The following VWF variants were observed in gnomAD, a reference collection of about 807,000 sequenced individuals.
VWF encodes Factor VIII related antigen.
A neutral mutation model predicts 308.6 loss-of-function variants in VWF; 176 were observed. The ratio of observed to expected loss-of-function variants is 0.57; its 90% CI spans 0.50 to 0.65. The LOEUF is 0.65. VWF is among the 30% of genes least tolerant of loss of function. The probability of loss-of-function intolerance (pLI) is 0.00; values close to 1 mark genes in which losing one functional copy is unlikely to be tolerated. For synonymous variants in VWF, 1,385 were observed against 1,443.4 expected (o/e 0.96, Z 0.92); for missense variants, 3,146 against 3,648.2 (o/e 0.86, Z 3.55).
intron 41 of VWF, 23 bp downstream of exon 41, chr12:5,983,127 C>T: frequency 1.2e-6 from 2 of 1,609,540 alleles, no homozygotes; most frequent in Non-Finnish European, 8.5e-7. Flanking sequence ...CACACCACCC[C>T]TCCTCATCCA....
Position 6,016,227 on chromosome 12 carries a change from C to T in VWF, c.5317G>A (p.Ala1773Thr). The T allele has an allele frequency of 7.4e-6, 12 of 1,614,202 alleles. No homozygotes were observed. Among genetic ancestry groups the T allele is most frequent in the Non-Finnish European group, 1.0e-5 (12 of 1,180,042 alleles). Residue 1773 changes from alanine (A) to threonine (T), a missense_variant, in exon 31 of 52, where the codon GCC becomes ACC. Coordinates refer to ENST00000261405, the MANE Select transcript of VWF (RefSeq NM_000552.5). ...AAGTATCGCACAGCAAAGCCCAAGG[C>T]ATCCCCTGAGGATGGAGAACAGATC... The part of the protein sequence containing the change: ...REGGPSQIGD[A>T]LGFAVRYLTS...
At chr12:6,105,677 G>A (rs1945234872) in intron 5 of VWF, among the ~76,000 whole-genome samples, 1 of 152,132 alleles carries the variant, frequency 6.6e-6, no homozygotes, top group Non-Finnish European at 1.5e-5. Flanking sequence ...AATAAATCAT[G>A]AAATATATGA....
chr12:6,039,893 A>G (rs2136435624), intron 18 of VWF, among the ~76,000 whole-genome samples: 1 of 152,274 alleles, frequency 6.6e-6, no homozygotes, highest in South Asian at 2.1e-4. Context: ...TAATACCAGC[A>G]GTTTGGGAGA....
At chr12:6,112,443 T>C (rs1162264366) in intron 3 of VWF, among the ~76,000 whole-genome samples, 2 of 152,218 alleles carry the variant, frequency 1.3e-5, no homozygotes, top group Non-Finnish European at 1.5e-5. Context: ...GTCTCAAGCC[T>C]TGGAGACTGA....
intron 5 of VWF, among the ~76,000 whole-genome samples, chr12:6,099,906 C>T (rs1310729899): frequency 6.6e-6 from 1 of 152,092 alleles, no homozygotes; most frequent in East Asian, 1.9e-4. Context: ...TCTAATTAAA[C>T]TAAAGAGCTT....
chr12:6,052,510 T>G, intron 16 of VWF, 33 bp downstream of exon 16: 1 of 1,614,048 alleles, frequency 6.2e-7, no homozygotes, highest in Non-Finnish European at 8.5e-7. Flanking sequence ...CTCTGCTGTT[T>G]TAGAGGTCCC....
At chr12:5,992,881 C>T (rs1376604250) in intron 37 of VWF, among the ~76,000 whole-genome samples, 1 of 152,190 alleles carries the variant, frequency 6.6e-6, no homozygotes, top group Non-Finnish European at 1.5e-5. Context: ...CTTCCAGTAA[C>T]TTAGAAACTA....
intron 47 of VWF, among the ~76,000 whole-genome samples, chr12:5,960,518 T>G (rs1943302392): frequency 6.6e-6 from 1 of 152,160 alleles, no homozygotes; most frequent in African/African-American, 2.4e-5. Flanking sequence ...CATCAAAATC[T>G]AACAAAAGCA....
chr12:5,985,156 T>C, intron 39 of VWF, 37 bp from the exon 40 acceptor site: 3 of 1,596,844 alleles, frequency 1.9e-6, no homozygotes, highest in Non-Finnish European at 2.6e-6. Context: ...TCAGAGAAAT[T>C]AGTGGTGGGA....
intron 31 of VWF, among the ~76,000 whole-genome samples, chr12:6,014,933 A>C (rs929691709): frequency 6.6e-6 from 1 of 152,234 alleles, no homozygotes; most frequent in African/African-American, 2.4e-5. Context: ...TTTCCCAGTG[A>C]AAATCTTTCT....
intron 28 of VWF, among the ~76,000 whole-genome samples, chr12:6,017,309 CTG>C (rs1461423687): frequency 6.6e-6 from 1 of 152,202 alleles, no homozygotes; most frequent in African/African-American, 2.4e-5. Context: ...GGTGAACATA[CTG>C]TGATTCTTCC....
chr12:6,105,516 G>T (rs182529256), intron 5 of VWF, among the ~76,000 whole-genome samples: 1 of 152,220 alleles, frequency 6.6e-6, no homozygotes, highest in East Asian at 1.9e-4. Context: ...GATTACAGGC[G>T]TGGGCCACCA....
chr12:6,082,459 CTA>C (rs1468264498), intron 6 of VWF, among the ~76,000 whole-genome samples: 3 of 152,172 alleles, frequency 2.0e-5, no homozygotes, highest in Non-Finnish European at 2.9e-5. Flanking sequence ...TGGAGAACTG[CTA>C]TACAATCGTT....
At chr12:6,062,175 G>A (rs770277326) in intron 13 of VWF, among the ~76,000 whole-genome samples, 4 of 152,002 alleles carry the variant, frequency 2.6e-5, no homozygotes, top group Non-Finnish European at 4.4e-5. Flanking sequence ...GAGTGTAAAG[G>A]CATTCAAGAC....
chr12:6,074,917 G>T (rs916323059), intron 7 of VWF, among the ~76,000 whole-genome samples: 2 of 152,164 alleles, frequency 1.3e-5, no homozygotes, highest in Non-Finnish European at 2.9e-5. Flanking sequence ...AATGCTTTCT[G>T]CTCTCTCAAA....
intron 47 of VWF, among the ~76,000 whole-genome samples, chr12:5,964,278 A>ACATACATACATACATG (rs1565811232): frequency 7.2e-6 from 1 of 138,402 alleles, no homozygotes; most frequent in African/African-American, 3.4e-5. Context: ...ATACATGCAT[A>ACATACATACATACATG]CATACATGCA....
intron 5 of VWF, among the ~76,000 whole-genome samples, chr12:6,104,635 T>A (rs762163490): frequency 7.2e-5 from 11 of 151,902 alleles, no homozygotes; most frequent in Non-Finnish European, 1.5e-4. Context: ...AACTGGAGGT[T>A]GCAGTGAGCT....
intron 23 of VWF, 40 bp downstream of exon 23, chr12:6,025,866 C>A (rs1254054958): frequency 1.4e-5 from 22 of 1,613,528 alleles, no homozygotes; most frequent in Non-Finnish European, 1.8e-5. Context: ...TTCCAGGAAG[C>A]AAGCTCTAGG....
chr12:6,017,347 T>C (rs2136410262), intron 28 of VWF, among the ~76,000 whole-genome samples: 1 of 152,352 alleles, frequency 6.6e-6, no homozygotes, highest in Admixed American at 6.5e-5. Context: ...GTGCTCCTGT[T>C]AGTGTCTGAG....
Sources: gnomAD v4.1 joint callset for allele counts (sites outside exome capture counted in the v4.1 genomes callset) on GRCh38, gnomAD v4.1.1 for gene constraint, MANE v1.5 for transcripts, NCBI Gene and HGNC (gene_info 2026-07-23, HGNC 2026-07-21) for gene names.